Variants in PDE1A observed in about 807,000 individuals in gnomAD.
PDE1A encodes the protein phosphodiesterase 1A.
Under a neutral mutation model 61.7 loss-of-function variants are expected in PDE1A, and 35 were observed. The observed-to-expected ratio is 0.57, with a 90% CI of 0.43 to 0.75. PDE1A has a LOEUF of 0.75. PDE1A is among the 30% of genes least tolerant of loss of function. The pLI, the probability that PDE1A is intolerant of heterozygous loss-of-function variation, is 0.00. For missense variants in PDE1A, 597 were observed against 630.6 expected, an observed-to-expected ratio of 0.95 and a Z score of 0.57; for synonymous variants, 232 against 213.2, an observed-to-expected ratio of 1.09 and a Z score of -0.77.
intron 1 of PDE1A, among the ~76,000 whole-genome samples, chr2:182,283,556 T>C (rs560823661): frequency 6.6e-6 from 1 of 152,130 alleles, no homozygotes; most frequent in East Asian, 1.9e-4. Flanking sequence ...ATGAAACTGT[T>C]ATGAGTTTTT....
At chr2:182,146,484 GTTA>G (rs1461585953), downstream of PDE1A, among the ~76,000 whole-genome samples, 1 of 151,756 alleles carries the variant, frequency 6.6e-6, no homozygotes, top group Non-Finnish European at 1.5e-5. Context: ...ATTTATTATT[GTTA>G]TTATTATTAT....
chr2:182,546,838 A>G, the PDE1A span, among the ~76,000 whole-genome samples: 2 of 152,222 alleles, frequency 1.3e-5, no homozygotes, highest in Non-Finnish European at 2.9e-5. Flanking sequence ...AATCTTAAGG[A>G]AACTTACTAC....
the PDE1A span, among the ~76,000 whole-genome samples, chr2:182,712,989 A>C: frequency 6.6e-6 from 1 of 152,178 alleles, no homozygotes; most frequent in Non-Finnish European, 1.5e-5. Flanking sequence ...GTCTGCTTTT[A>C]CATTCCCATT....
At chr2:182,401,617 A>G (rs1416858527) in intron 1 of PDE1A, among the ~76,000 whole-genome samples, 2 of 152,202 alleles carry the variant, frequency 1.3e-5, no homozygotes, top group African/African-American at 4.8e-5. Flanking sequence ...GGCACAAGAC[A>G]AGCAAGGATG....
At chr2:182,661,016 T>C in the PDE1A span, among the ~76,000 whole-genome samples, 46 of 152,354 alleles carry the variant, frequency 3.0e-4, no homozygotes, top group Non-Finnish European at 6.0e-4. Context: ...AAATGCCTAG[T>C]ATTGGTTTTT....
At chr2:182,313,425 T>C (rs1696124759) in intron 1 of PDE1A, among the ~76,000 whole-genome samples, 1 of 151,914 alleles carries the variant, frequency 6.6e-6, no homozygotes, top group Non-Finnish European at 1.5e-5. Context: ...AAAAAAAAAG[T>C]AAATTATTTC....
intron 1 of PDE1A, among the ~76,000 whole-genome samples, chr2:182,347,889 G>A (rs781512425): frequency 6.6e-6 from 1 of 152,116 alleles, no homozygotes; most frequent in Non-Finnish European, 1.5e-5. Context: ...AAGGGTTTAT[G>A]CTAGTTGAGG....
chr2:182,364,128 A>G (rs895777598), intron 1 of PDE1A, among the ~76,000 whole-genome samples: 1 of 151,914 alleles, frequency 6.6e-6, no homozygotes, highest in African/African-American at 2.4e-5. Flanking sequence ...CCAATAGAAC[A>G]AGGATATGTT....
chr2:182,312,346 T>C (rs1264657208), intron 1 of PDE1A, among the ~76,000 whole-genome samples: 1 of 152,130 alleles, frequency 6.6e-6, no homozygotes, highest in Non-Finnish European at 1.5e-5. Flanking sequence ...GATTATATGT[T>C]TTGTGTTATA....
intron 1 of PDE1A, among the ~76,000 whole-genome samples, chr2:182,325,876 G>C (rs899240395): frequency 5.9e-5 from 9 of 152,084 alleles, no homozygotes; most frequent in African/African-American, 1.7e-4. Context: ...TTGAGATCAC[G>C]CCACTGCACT....
At chr2:182,271,913 G>A (rs1410990330) in intron 1 of PDE1A, among the ~76,000 whole-genome samples, 1 of 152,086 alleles carries the variant, frequency 6.6e-6, no homozygotes, top group Non-Finnish European at 1.5e-5. Flanking sequence ...TGAGAAAAGA[G>A]ATTGATACAT....
intron 10 of PDE1A, 152 bp downstream of exon 10, chr2:182,201,287 G>T: frequency 1.2e-6 from 1 of 831,038 alleles, no homozygotes; most frequent in Non-Finnish European, 1.9e-6. Flanking sequence ...CTTTCTGATA[G>T]ACTAATAAAT....
chr2:182,560,007 A>G, the PDE1A span, among the ~76,000 whole-genome samples: 1 of 151,948 alleles, frequency 6.6e-6, no homozygotes, highest in Non-Finnish European at 1.5e-5. Flanking sequence ...GGGGGAAGAG[A>G]AGCATTAAAC....
the PDE1A span, among the ~76,000 whole-genome samples, chr2:182,596,056 A>G: frequency 9.2e-5 from 14 of 152,238 alleles, no homozygotes; most frequent in African/African-American, 3.4e-4. Flanking sequence ...ACAAGCAAAT[A>G]AAGTCAAAAG....
At chr2:182,679,142 C>CT in the PDE1A span, among the ~76,000 whole-genome samples, 8 of 149,964 alleles carry the variant, frequency 5.3e-5, no homozygotes, top group African/African-American at 2.0e-4. Flanking sequence ...GTAGCTGGGA[C>CT]TACAGGCACA....
At chr2:182,309,058 A>G (rs1018993433) in intron 1 of PDE1A, among the ~76,000 whole-genome samples, 10 of 151,784 alleles carry the variant, frequency 6.6e-5, no homozygotes, top group African/African-American at 2.4e-4. Flanking sequence ...AGAAGTTCAC[A>G]CAGGGAAAAA....
At chr2:182,143,394 G>A (rs1690320931), downstream of PDE1A, among the ~76,000 whole-genome samples, 1 of 151,958 alleles carries the variant, frequency 6.6e-6, no homozygotes, top group Non-Finnish European at 1.5e-5. Context: ...AGAAACTGAA[G>A]GTCATCACTT....
intron 1 of PDE1A, among the ~76,000 whole-genome samples, chr2:182,393,379 A>G (rs1170866615): frequency 7.1e-6 from 1 of 140,968 alleles, no homozygotes. Context: ...CTACCCACAG[A>G]ACCTTTTTTT....
At chr2:182,163,684 A>G (rs1031772296), downstream of PDE1A, among the ~76,000 whole-genome samples, 8 of 152,124 alleles carry the variant, frequency 5.3e-5, no homozygotes, top group Non-Finnish European at 8.8e-5. Context: ...CACAATTCCT[A>G]GTGGACCTAT....
Sources: gnomAD v4.1 joint callset for allele counts (sites outside exome capture counted in the v4.1 genomes callset) on GRCh38, gnomAD v4.1.1 for gene constraint, MANE v1.5 for transcripts, NCBI Gene and HGNC (gene_info 2026-07-23, HGNC 2026-07-21) for gene names.